Variants in SNX24 observed in about 807,000 individuals in gnomAD.
The protein encoded by SNX24 is sorting nexin-24.
A neutral mutation model predicts 28.7 loss-of-function variants in SNX24; 22 were observed. The ratio of observed to expected loss-of-function variants is 0.77; its 90% CI spans 0.55 to 1.10. SNX24 has a LOEUF of 1.10. Among genes scored for constraint, SNX24 ranks in the 50% least tolerant of loss-of-function variants. The pLI, the probability that SNX24 is intolerant of heterozygous loss-of-function variation, is 0.00. For missense variants in SNX24, 221 were observed against 201.1 expected, an observed-to-expected ratio of 1.10 and a Z score of -0.60; for synonymous variants, 69 against 71.5, an observed-to-expected ratio of 0.96 and a Z score of 0.18.
chr5:122,996,105 TAGAA>T (rs1762044247), intron 3 of SNX24, among the ~76,000 whole-genome samples: 1 of 152,188 alleles, frequency 6.6e-6, no homozygotes, highest in Admixed American at 6.5e-5. Context: ...TTTGGTGTAT[TAGAA>T]AGAATCCTTT....
intron 2 of SNX24, among the ~76,000 whole-genome samples, chr5:122,939,647 T>G (rs1022727760): frequency 1.3e-5 from 2 of 152,236 alleles, no homozygotes; most frequent in African/African-American, 4.8e-5. Flanking sequence ...TTCCATTTTC[T>G]TTTAGTTTTT....
chr5:123,023,769 AAGT>A, intron 5 of SNX24: 1 of 1,419,440 alleles, frequency 7.0e-7, no homozygotes, highest in East Asian at 2.4e-5. Flanking sequence ...TACAAAAAGA[AAGT>A]AAAAAAAAAA....
At chr5:122,853,256 A>G (rs1423983738) in intron 1 of SNX24, among the ~76,000 whole-genome samples, 3 of 150,428 alleles carry the variant, frequency 2.0e-5, no homozygotes, top group Non-Finnish European at 2.9e-5. Flanking sequence ...CCTCCCGAGT[A>G]GCTGGGACTA....
At chr5:122,866,715 C>G (rs1010575645) in intron 1 of SNX24, among the ~76,000 whole-genome samples, 1 of 152,140 alleles carries the variant, frequency 6.6e-6, no homozygotes, top group African/African-American at 2.4e-5. Flanking sequence ...GAGTAGTAGT[C>G]CAGTTTCCTT....
intron 1 of SNX24, among the ~76,000 whole-genome samples, chr5:122,901,976 A>G (rs1757467068): frequency 6.6e-6 from 1 of 152,186 alleles, no homozygotes; most frequent in Non-Finnish European, 1.5e-5. Context: ...TTTGTCTTAT[A>G]TATCTTTGAG....
At chr5:123,029,224 A>G in intron 5 of SNX24, 2 of 1,609,206 alleles carry the variant, frequency 1.2e-6, no homozygotes, top group South Asian at 2.2e-5. Context: ...CTAATTTAAT[A>G]CTTATTTTCT....
intron 1 of SNX24, among the ~76,000 whole-genome samples, chr5:122,864,029 A>C (rs1755606136): frequency 6.6e-6 from 1 of 152,372 alleles, no homozygotes; most frequent in Admixed American, 6.5e-5. Flanking sequence ...CCAAGGACAC[A>C]GTAGCAAAAA....
At chr5:122,910,771 A>G (rs1465531872) in intron 1 of SNX24, among the ~76,000 whole-genome samples, 4 of 151,600 alleles carry the variant, frequency 2.6e-5, no homozygotes, top group African/African-American at 9.7e-5. Context: ...TTCCAATTTC[A>G]TCCATGTCCC....
At chr5:122,886,691 G>A (rs924963261) in intron 1 of SNX24, among the ~76,000 whole-genome samples, 5 of 151,880 alleles carry the variant, frequency 3.3e-5, no homozygotes, top group East Asian at 1.9e-4. Flanking sequence ...TTAGCCAGGC[G>A]TGGTGGCAGG....
At chr5:122,923,918 G>A (rs1036375176) in intron 1 of SNX24, among the ~76,000 whole-genome samples, 1 of 152,202 alleles carries the variant, frequency 6.6e-6, no homozygotes, top group African/African-American at 2.4e-5. Flanking sequence ...CACTTTTAAA[G>A]TTTTTTGATC....
At chr5:122,967,724 G>T (rs1760771706) in intron 3 of SNX24, among the ~76,000 whole-genome samples, 1 of 152,194 alleles carries the variant, frequency 6.6e-6, no homozygotes, top group African/African-American at 2.4e-5. Flanking sequence ...ACTGCGATTT[G>T]TGGGGCCTGA....
chr5:122,936,018 A>G (rs1471871761), intron 1 of SNX24, among the ~76,000 whole-genome samples: 1 of 152,080 alleles, frequency 6.6e-6, no homozygotes, highest in Non-Finnish European at 1.5e-5. Context: ...ATTTCACAAT[A>G]TTTCTCATCC....
chr5:123,017,245 A>G (rs1237878222), intron 5 of SNX24, among the ~76,000 whole-genome samples: 1 of 152,046 alleles, frequency 6.6e-6, no homozygotes, highest in African/African-American at 2.4e-5. Context: ...AGTGGATGCC[A>G]TGCTTCACAG....
At chr5:122,995,101 C>T (rs895461619) in intron 3 of SNX24, among the ~76,000 whole-genome samples, 1 of 152,214 alleles carries the variant, frequency 6.6e-6, no homozygotes, top group Non-Finnish European at 1.5e-5. Context: ...CATCTCCAAT[C>T]TGCAAGTCAA....
At chr5:123,023,874 G>A in intron 5 of SNX24, 1 of 1,610,192 alleles carries the variant, frequency 6.2e-7, no homozygotes, top group South Asian at 1.1e-5. Context: ...TGCCAGTTGT[G>A]TCACCAATCA....
downstream of SNX24, among the ~76,000 whole-genome samples, chr5:123,011,946 C>T (rs1257057352): frequency 6.6e-6 from 1 of 152,146 alleles, no homozygotes; most frequent in Non-Finnish European, 1.5e-5. Context: ...CACCACAGGT[C>T]GTCAGAGGGA....
chr5:122,943,135 A>G (rs917723100), intron 2 of SNX24, among the ~76,000 whole-genome samples: 1 of 152,148 alleles, frequency 6.6e-6, no homozygotes, highest in African/African-American at 2.4e-5. Flanking sequence ...GAGATTAAAT[A>G]TGTATTTATT....
Position 123,001,924 on chromosome 5 carries a change from T to C in SNX24, c.378-16T>C. On this transcript the variant is annotated splice_polypyrimidine_tract_variant and intron_variant, in intron 5 of 6. Coordinates refer to ENST00000261369, the MANE Select transcript of SNX24 (RefSeq NM_014035.4). ...TCGTCCCCTGATGCTGACATGCCTG[T>C]TCTTGACCTTTCCAGCAAACTGTCC... The C allele has an allele frequency of 6.2e-7, 1 of 1,613,192 alleles. No homozygotes were observed. The highest frequency in any genetic ancestry group is 8.5e-7 in the Non-Finnish European group (1 of 1,179,100).
intron 1 of SNX24, among the ~76,000 whole-genome samples, chr5:122,911,945 C>T (rs1429482344): frequency 9.5e-5 from 14 of 147,886 alleles, no homozygotes; most frequent in African/African-American, 2.5e-4. Context: ...ATTGACTTGG[C>T]GATGCGGGCT....
Sources: allele counts gnomAD v4.1 joint callset (sites outside exome capture counted in the v4.1 genomes callset), GRCh38; gene constraint gnomAD v4.1.1; transcripts MANE v1.5; gene names NCBI Gene and HGNC (gene_info 2026-07-23, HGNC 2026-07-21).